The following MOB4 variants were observed in gnomAD, a reference collection of about 807,000 sequenced individuals.
MOB4 encodes the protein MOB family member 4, phocein.
In MOB4, 4 loss-of-function variants were observed where a neutral mutation model predicts 32.2. The observed-to-expected ratio is 0.12, with a 90% CI of 0.06 to 0.28. The LOEUF (loss-of-function observed/expected upper bound fraction) is 0.28, where lower values mean the gene tolerates loss of function less well. MOB4 is among the 10% of genes least tolerant of loss of function. The pLI is 1.00. For synonymous variants in MOB4, 88 were observed against 88.1 expected, an observed-to-expected ratio of 1.00 and a Z score of 0.01; for missense variants, 158 against 271.2, an observed-to-expected ratio of 0.58 and a Z score of 2.93.
chr2:197,521,113 C>T (rs936397001), intron 1 of MOB4, among the ~76,000 whole-genome samples: 5 of 151,916 alleles, frequency 3.3e-5, no homozygotes, highest in Non-Finnish European at 7.4e-5. Flanking sequence ...ACATTTGTAT[C>T]GGGGAACCTG....
At chr2:197,516,037 T>C (rs769337688), upstream of MOB4, 9 of 1,539,872 alleles carry the variant, frequency 5.8e-6, no homozygotes, top group African/African-American at 2.8e-5. Context: ...CCGCGCAGGC[T>C]GCCGTCCCTA....
At chr2:197,529,556 T>C (rs1240023231) in intron 2 of MOB4, among the ~76,000 whole-genome samples, 1 of 152,038 alleles carries the variant, frequency 6.6e-6, no homozygotes, top group East Asian at 1.9e-4. Context: ...TTTGCCATAT[T>C]GACCAGGCTG....
At chr2:197,529,134 C>T (rs1307476088) in intron 2 of MOB4, among the ~76,000 whole-genome samples, 2 of 151,866 alleles carry the variant, frequency 1.3e-5, no homozygotes, top group African/African-American at 4.8e-5. Flanking sequence ...TGCGCCACCA[C>T]CCCCAGCTAA....
chr2:197,542,585 T>C (rs974686215), intron 5 of MOB4, among the ~76,000 whole-genome samples: 2 of 152,186 alleles, frequency 1.3e-5, no homozygotes, highest in African/African-American at 4.8e-5. Flanking sequence ...GCATTCAGCA[T>C]ATAGAGTAAA....
At chr2:197,537,478 G>A (rs964485866) in intron 3 of MOB4, among the ~76,000 whole-genome samples, 9 of 152,088 alleles carry the variant, frequency 5.9e-5, no homozygotes, top group African/African-American at 2.2e-4. Flanking sequence ...TTGTAGACAA[G>A]GCACTTTTTA....
chr2:197,537,722 A>G (rs1472866450), intron 3 of MOB4, among the ~76,000 whole-genome samples: 1 of 152,220 alleles, frequency 6.6e-6, no homozygotes. Flanking sequence ...AGAGCACTTT[A>G]GTGTAGTACA....
At chr2:197,533,817 G>C in intron 2 of MOB4, 1 of 583,782 alleles carries the variant, frequency 1.7e-6, no homozygotes, top group Non-Finnish European at 3.3e-6. Context: ...CTTCCCACAA[G>C]ACTTTAAGAC....
rs1330558377 is a variant in MOB4, at chr2:197,552,738, T to G, written c.*2092T>G. On this transcript the variant is annotated 3_prime_UTR_variant, in exon 8 of 8. Coordinates refer to ENST00000323303, the MANE Select transcript of MOB4 (RefSeq NM_015387.5). ...AGTTCCTGTTTTTCCTTAATACTGT[T>G]TTCAGAATTTTGAAAATGTACTTAT... is the stretch of plus-strand genomic sequence containing the variant. The G allele has an allele frequency of 1.3e-5, 2 of 152,324 alleles. No homozygotes were observed. The highest frequency in any genetic ancestry group is 4.8e-5 in the African/African-American group (2 of 41,440). The allele number at this position is 152,324 out of a possible 1,614,324, so 9.4% of individuals were successfully genotyped here. A position where few individuals can be genotyped will look rare whatever the true frequency, so the allele number is the denominator to read the frequency against.
At chr2:197,534,128 C>T (rs191740296) in intron 2 of MOB4, among the ~76,000 whole-genome samples, 1 of 152,202 alleles carries the variant, frequency 6.6e-6, no homozygotes, top group Admixed American at 6.5e-5. Context: ...TAGGCTGGTT[C>T]AGTACTAAAT....
At chr2:197,531,047 ATTTTTATTTTTT>A (rs2086692940) in intron 2 of MOB4, among the ~76,000 whole-genome samples, 1 of 93,868 alleles carries the variant, frequency 1.1e-5, no homozygotes, top group Non-Finnish European at 2.4e-5. Flanking sequence ...TTTTATTTTT[ATTTTTATTTTTT>A]TTTTTTGAGG....
At chr2:197,541,575 T>A (rs79463991) in intron 5 of MOB4, among the ~76,000 whole-genome samples, 1,742 of 152,282 alleles carry the variant, frequency 0.011, 32 homozygotes, top group African/African-American at 0.04. Context: ...GGAAGACTGG[T>A]TTCATTCAGG....
intron 6 of MOB4, among the ~76,000 whole-genome samples, chr2:197,549,674 T>C (rs1348490519): frequency 6.6e-6 from 1 of 151,804 alleles, no homozygotes; most frequent in East Asian, 1.9e-4. Context: ...CTCAGCCTCA[T>C]GAGTAGCTGG....
intron 5 of MOB4, among the ~76,000 whole-genome samples, chr2:197,543,701 C>T (rs2086939161): frequency 6.6e-6 from 1 of 152,036 alleles, no homozygotes; most frequent in Non-Finnish European, 1.5e-5. Flanking sequence ...AAAGGATGGG[C>T]GGTATGGGAA....
intron 4 of MOB4, 62 bp downstream of exon 4, chr2:197,540,215 A>G (rs2086873851): frequency 1.3e-6 from 2 of 1,577,248 alleles, no homozygotes; most frequent in Non-Finnish European, 1.7e-6. Flanking sequence ...CTCTGTTTTT[A>G]TAACTTAATG....
chr2:197,526,891 T>C (rs1235073970), intron 2 of MOB4, among the ~76,000 whole-genome samples: 1 of 152,208 alleles, frequency 6.6e-6, no homozygotes, highest in Admixed American at 6.5e-5. Context: ...ACACAGTGTT[T>C]GATGACTGTA....
chr2:197,516,028 C>G, upstream of MOB4: 1 of 1,521,264 alleles, frequency 6.6e-7, no homozygotes, highest in Non-Finnish European at 8.9e-7. Flanking sequence ...CCCCGCCCCC[C>G]GCGCAGGCTG....
At chr2:197,525,821 C>G (rs886900303) in intron 2 of MOB4, among the ~76,000 whole-genome samples, 1 of 151,936 alleles carries the variant, frequency 6.6e-6, no homozygotes, top group Non-Finnish European at 1.5e-5. Flanking sequence ...GAATATAAAC[C>G]TAGATCTAGC....
chr2:197,522,570 A>G (rs1250924286), intron 1 of MOB4, among the ~76,000 whole-genome samples: 2 of 151,536 alleles, frequency 1.3e-5, no homozygotes, highest in Non-Finnish European at 2.9e-5. Flanking sequence ...ACCTCAAGTG[A>G]TCCTTCCGCC....
At chr2:197,544,361 C>T (rs548553422) in intron 5 of MOB4, among the ~76,000 whole-genome samples, 1 of 152,206 alleles carries the variant, frequency 6.6e-6, no homozygotes, top group Non-Finnish European at 1.5e-5. Flanking sequence ...CATGAGCCAC[C>T]ATGCCTGGCC....
Sources: gnomAD v4.1 joint callset for allele counts (sites outside exome capture counted in the v4.1 genomes callset) on GRCh38, gnomAD v4.1.1 for gene constraint, MANE v1.5 for transcripts, NCBI Gene and HGNC (gene_info 2026-07-23, HGNC 2026-07-21) for gene names.